LIPA: variants seen among roughly 807,000 people sequenced by gnomAD.
LIPA encodes the protein lipase A, lysosomal acid type.
A neutral mutation model predicts 40.6 loss-of-function variants in LIPA; 26 were observed. The observed-to-expected ratio is 0.64, with a 90% CI of 0.47 to 0.89. The LOEUF (loss-of-function observed/expected upper bound fraction) is 0.89, where lower values mean the gene tolerates loss of function less well. Among genes scored for constraint, LIPA ranks in the 40% least tolerant of loss-of-function variants. The pLI is 0.00. For synonymous variants in LIPA, 188 were observed against 168.4 expected (o/e 1.12, Z -0.90); for missense variants, 455 against 479.6 (o/e 0.95, Z 0.48).
intron 1 of LIPA, chr10:89,293,454 T>TC (rs1370023599): frequency 2.6e-5 from 4 of 152,212 alleles, no homozygotes; most frequent in African/African-American, 7.2e-5. Flanking sequence ...CTCTTTTTTT[T>TC]CCCCATGGAC....
In LIPA at chr10:89,214,653, A is replaced by G; in HGVS notation, c.*175T>C. 1 of 588,322 alleles carries G rather than the reference A, an allele frequency of 1.7e-6. No homozygotes were observed. The highest frequency in any genetic ancestry group is 3.0e-5 in the Admixed American group (1 of 33,298). 36.4% of individuals were successfully genotyped at this position (588,322 alleles called of 1,614,324 possible). A position where few individuals can be genotyped will look rare whatever the true frequency, so the allele number is the denominator to read the frequency against. On this transcript the variant is annotated 3_prime_UTR_variant, in exon 10 of 10. Transcript: ENST00000336233. ...AGCCCTAATTAAAGAAAAAATAGCTAGTATGTTTCTAATTGAAACTAGAGT... is the reference window on the plus strand; with the variant it reads ...AGCCCTAATTAAAGAAAAAATAGCTGGTATGTTTCTAATTGAAACTAGAGT...
intron 1 of LIPA, chr10:89,308,831 G>A (rs995587593): frequency 1.3e-5 from 2 of 152,126 alleles, no homozygotes; most frequent in African/African-American, 4.8e-5. Flanking sequence ...ACATCTTGTT[G>A]CACGCATTTG....
chr10:89,223,636 C>A, intron 7 of LIPA, 48 bp downstream of exon 7: 1 of 1,436,888 alleles, frequency 7.0e-7, no homozygotes, highest in Non-Finnish European at 9.8e-7. Flanking sequence ...CAAATAAGCA[C>A]ATTCACAGAT....
chr10:89,226,950 A>G lies in LIPA; in HGVS notation c.483T>C (p.Asn161=), dbSNP rs369755163. The change falls in exon 5 of 10, where the codon AAT becomes AAC. Residue 161 remains asparagine, a synonymous_variant. Coordinates refer to ENST00000336233, the MANE Select transcript of LIPA (RefSeq NM_000235.4). Reference sequence around the variant, plus strand: ...AATACACTTGTTCTTGGCCAGTTTTATTCAGAATGAAGTTAATGGAAGCTG... The same window carrying G: ...AATACACTTGTTCTTGGCCAGTTTTGTTCAGAATGAAGTTAATGGAAGCTG... The part of the protein sequence containing the change: ...DLPASINFIL[N]KTGQEQVYYV... 25 of 1,613,638 alleles carry G rather than the reference A, an allele frequency of 1.5e-5. No individual in the cohort carries two copies. The African/African-American group carries it at 2.9e-4, about 19-fold the overall frequency.
At chr10:89,393,532 A>G (rs1478230657) in intron 2 of LIPA, among the ~76,000 whole-genome samples, 2 of 152,234 alleles carry the variant, frequency 1.3e-5, no homozygotes, top group Non-Finnish European at 2.9e-5. Flanking sequence ...CAGGAGTTGG[A>G]GCCCATCCTG....
chr10:89,345,296 A>G (rs1486399439), upstream of LIPA, among the ~76,000 whole-genome samples: 1 of 151,492 alleles, frequency 6.6e-6, no homozygotes. Context: ...TGGGAGGCTG[A>G]GGTGAGCAGA....
upstream of LIPA, among the ~76,000 whole-genome samples, chr10:89,256,200 T>A (rs1183810468): frequency 6.6e-6 from 1 of 151,630 alleles, no homozygotes; most frequent in Non-Finnish European, 1.5e-5. Context: ...AGAGCAGAGG[T>A]AGGACAGGGA....
chr10:89,359,641 G>A (rs75916483), intron 2 of LIPA, among the ~76,000 whole-genome samples: 3,234 of 152,238 alleles, frequency 0.021, 62 homozygotes, highest in African/African-American at 0.055. Flanking sequence ...GCTCCTATTC[G>A]CAGAGGCTCA....
chr10:89,290,002 G>C (rs4933502), intron 1 of LIPA, among the ~76,000 whole-genome samples: 10 of 72,550 alleles, frequency 1.4e-4, no homozygotes, highest in South Asian at 1.2e-3. Context: ...AAAAAAGGGT[G>C]GGGGGGACTC....
chr10:89,302,300 C>A, intron 1 of LIPA, among the ~76,000 whole-genome samples: 1 of 152,090 alleles, frequency 6.6e-6, no homozygotes, highest in East Asian at 1.9e-4. Context: ...GTGGTTTGTT[C>A]CCTCCTGAAC....
chr10:89,360,284 A>G (rs1844014176), intron 2 of LIPA, among the ~76,000 whole-genome samples: 1 of 152,202 alleles, frequency 6.6e-6, no homozygotes, highest in Non-Finnish European at 1.5e-5. Flanking sequence ...CTAGAGAGGA[A>G]AAGATGGCCC....
chr10:89,320,848 T>G (rs1366721552), intron 1 of LIPA, among the ~76,000 whole-genome samples: 2 of 152,026 alleles, frequency 1.3e-5, no homozygotes, highest in Non-Finnish European at 1.5e-5. Context: ...CAAAACAGCA[T>G]GGTACTGGTA....
chr10:89,373,506 T>C (rs769703424), intron 2 of LIPA, among the ~76,000 whole-genome samples: 7 of 152,078 alleles, frequency 4.6e-5, no homozygotes, highest in East Asian at 1.9e-4. Flanking sequence ...ACATGATTGG[T>C]GCAAGTTTGC....
chr10:89,215,130 C>T (rs570272461), intron 9 of LIPA, 69 bp from the exon 10 acceptor site: 35 of 1,117,802 alleles, frequency 3.1e-5, no homozygotes, highest in Non-Finnish European at 4.1e-5. Flanking sequence ...TCACAATAAG[C>T]GCAATCTCCA....
chr10:89,222,684 A>G, intron 7 of LIPA, 102 bp from the exon 8 acceptor site: 1 of 804,488 alleles, frequency 1.2e-6, no homozygotes. Flanking sequence ...AACTAGAGCC[A>G]TAATCTCAAG....
chr10:89,337,043 A>G (rs981247736), intron 1 of LIPA, among the ~76,000 whole-genome samples: 1 of 152,204 alleles, frequency 6.6e-6, no homozygotes, highest in Non-Finnish European at 1.5e-5. Flanking sequence ...GTTGCAACAA[A>G]TTCATTCTGT....
chr10:89,339,543 A>T, intron 1 of LIPA: 1 of 1,614,182 alleles, frequency 6.2e-7, no homozygotes, highest in South Asian at 1.1e-5. Context: ...AGAATACAGG[A>T]GAATCTGAAG....
chr10:89,322,322 C>T (rs1337420524), intron 1 of LIPA, among the ~76,000 whole-genome samples: 1 of 152,176 alleles, frequency 6.6e-6, no homozygotes, highest in Non-Finnish European at 1.5e-5. Context: ...TGAGCATTGA[C>T]CCTGCAGGCC....
Position 89,225,078 on chromosome 10 carries a change from AG to A in LIPA, c.675+13del, listed in dbSNP as rs1842749443. The A allele has an allele frequency of 1.2e-6, 2 of 1,613,458 alleles. No homozygotes were observed. The highest frequency in any genetic ancestry group is 1.7e-5 in the Admixed American group (1 of 60,002). On this transcript the variant is annotated intron_variant, in intron 6 of 9. Coordinates refer to ENST00000336233, the MANE Select transcript of LIPA (RefSeq NM_000235.4). ...TCTGCGGGGAGAGGAGAGGGATGGG[AG>A]GGGTCCAAGTACCTTAATGAGATGA... is the stretch of plus-strand genomic sequence containing the variant.
Sources: allele counts gnomAD v4.1 joint callset (sites outside exome capture counted in the v4.1 genomes callset), GRCh38; gene constraint gnomAD v4.1.1; transcripts MANE v1.5; gene names NCBI Gene and HGNC (gene_info 2026-07-23, HGNC 2026-07-21).